The following C14orf132 variants were observed in gnomAD, a reference collection of about 807,000 sequenced individuals.
C14orf132 encodes the protein chromosome 14 open reading frame 132.
C14orf132 carries 6 observed loss-of-function variants against 5.8 expected under a neutral mutation model. That is an observed-to-expected ratio of 1.03 (90% CI 0.57 to 2.04). C14orf132 has a LOEUF of 2.04. Among genes scored for constraint, C14orf132 ranks in the 30% most tolerant of loss-of-function variants. The pLI is 0.00. For missense variants in C14orf132, 125 were observed against 115.8 expected, an observed-to-expected ratio of 1.08 and a Z score of -0.37; for synonymous variants, 51 against 49.8, an observed-to-expected ratio of 1.02 and a Z score of -0.10.
intron 1 of C14orf132, among the ~76,000 whole-genome samples, chr14:96,063,245 G>A (rs960115770): frequency 3.3e-5 from 5 of 152,118 alleles, no homozygotes; most frequent in Admixed American, 1.3e-4. Context: ...TGGAGGTTCC[G>A]TATAAGAACT....
intron 1 of C14orf132, among the ~76,000 whole-genome samples, chr14:96,053,275 A>G (rs1277145164): frequency 1.3e-5 from 2 of 152,250 alleles, no homozygotes; most frequent in African/African-American, 4.8e-5. Context: ...GATGAGCCAG[A>G]CACCGTTCTA....
Position 96,039,496 on chromosome 14 carries a change from A to AT in C14orf132, c.-5_-4insT. ...GAGGACTCGAGCGCTGGCTGCAGCG[A>AT]CACCATGGATCTCTCCTTTATGGCC... On this transcript the variant is annotated 5_prime_UTR_variant, in exon 1 of 2. Transcript: ENST00000555004. The surrounding 1 kb of genome is among the most constrained non-coding windows in gnomAD (Gnocchi z 5.3). 6.7e-7 allele frequency: 1 copy of AT among 1,497,376 alleles called. No homozygotes were observed. Among genetic ancestry groups the AT allele is most frequent in the Non-Finnish European group, 8.9e-7 (1 of 1,126,396 alleles). The allele number at this position is 1,497,376 out of a possible 1,614,324, so 92.8% of individuals were successfully genotyped here.
At chr14:96,049,647 TATATATAG>T (rs1886968709) in intron 1 of C14orf132, among the ~76,000 whole-genome samples, 17 of 78,770 alleles carry the variant, frequency 2.2e-4, no homozygotes, top group African/African-American at 5.5e-4. Context: ...TACGTATATA[TATATATAG>T]AGAGAGAGAG....
At chr14:96,061,715 A>G (rs1887363038) in intron 1 of C14orf132, among the ~76,000 whole-genome samples, 1 of 152,136 alleles carries the variant, frequency 6.6e-6, no homozygotes, top group Non-Finnish European at 1.5e-5. Context: ...GCTTGAGGCC[A>G]GGAGCTGGAG....
intron 1 of C14orf132, among the ~76,000 whole-genome samples, chr14:96,082,936 CCACCATATGTGGCAAAG>C (rs1888071434): frequency 6.6e-6 from 1 of 152,200 alleles, no homozygotes. Flanking sequence ...CACCCAAGCT[CCACCATATGTGGCAAAG>C]CAGGATTCAG....
intron 1 of C14orf132, among the ~76,000 whole-genome samples, chr14:96,050,718 GA>G (rs1249112452): frequency 1.3e-5 from 2 of 151,718 alleles, no homozygotes; most frequent in Non-Finnish European, 2.9e-5. Flanking sequence ...CCATGGCCTG[GA>G]AACTTTCCAT....
At chr14:96,083,675 T>C (rs1371973801) in intron 1 of C14orf132, among the ~76,000 whole-genome samples, 2 of 152,160 alleles carry the variant, frequency 1.3e-5, no homozygotes, top group African/African-American at 4.8e-5. Flanking sequence ...AGAAAACAGA[T>C]TGTCCCCTAG....
intron 1 of C14orf132, among the ~76,000 whole-genome samples, chr14:96,041,966 G>A (rs1370842184): frequency 2.6e-5 from 4 of 152,240 alleles, no homozygotes; most frequent in Non-Finnish European, 5.9e-5. Flanking sequence ...TGCCCAGCAC[G>A]TAGTAGGTCC....
chr14:96,048,792 C>G (rs1471547426), intron 1 of C14orf132, among the ~76,000 whole-genome samples: 1 of 152,146 alleles, frequency 6.6e-6, no homozygotes, highest in African/African-American at 2.4e-5. Context: ...TCCCAAAGTG[C>G]TGGGATTACA....
chr14:96,069,228 T>C (rs1371292681), intron 1 of C14orf132, among the ~76,000 whole-genome samples: 1 of 141,366 alleles, frequency 7.1e-6, no homozygotes, highest in Non-Finnish European at 1.5e-5. Flanking sequence ...TATGTTCACA[T>C]ATATATGTTA....
At chr14:96,071,593 G>T (rs146418575) in intron 1 of C14orf132, among the ~76,000 whole-genome samples, 1 of 152,188 alleles carries the variant, frequency 6.6e-6, no homozygotes, top group Non-Finnish European at 1.5e-5. Flanking sequence ...TGCCCCCTGG[G>T]GATCCCCAGT....
chr14:96,077,109 C>T (rs28392805), intron 1 of C14orf132, among the ~76,000 whole-genome samples: 42,037 of 152,108 alleles, frequency 0.28, 6,067 homozygotes, highest in Non-Finnish European at 0.33. Context: ...ATGAGAAGAA[C>T]GTGCATTCTG....
chr14:96,092,526 C>G lies in C14orf132; in HGVS notation c.*5791C>G, dbSNP rs1888444878. The G allele has an allele frequency of 1.3e-5, 2 of 152,240 alleles. No homozygotes were observed. The highest frequency in any genetic ancestry group is 2.4e-5 in the African/African-American group (1 of 41,458). The allele number at this position is 152,240 out of a possible 1,614,324, so 9.4% of individuals were successfully genotyped here. ...ACACCCCTGTGTCCCCTGTATCTGT[C>G]TCACTGGCTGTCTTTCTCCCAGTTT... On this transcript the variant is annotated 3_prime_UTR_variant, in exon 2 of 2. Transcript: ENST00000555004.
At chr14:96,064,363 T>TATACACAC (rs1555385083) in intron 1 of C14orf132, among the ~76,000 whole-genome samples, 1,559 of 135,852 alleles carry the variant, frequency 0.011, 30 homozygotes, top group African/African-American at 0.04. Context: ...GGTGCATATA[T>TATACACAC]ACACACACAC....
At chr14:96,082,666 C>T (rs1446298184) in intron 1 of C14orf132, among the ~76,000 whole-genome samples, 2 of 152,076 alleles carry the variant, frequency 1.3e-5, no homozygotes, top group South Asian at 2.1e-4. Flanking sequence ...ACCTGGTTAT[C>T]GATCACACAA....
Position 96,086,985 on chromosome 14 carries a change from T to G in C14orf132, c.*250T>G. 1 of 540,348 alleles carries G rather than the reference T, an allele frequency of 1.9e-6. No individual in the cohort carries two copies. Among genetic ancestry groups the G allele is most frequent in the Non-Finnish European group, 3.3e-6 (1 of 303,622 alleles). 33.5% of individuals were successfully genotyped at this position (540,348 alleles called of 1,614,324 possible). ...CGGGGCAAGGCCTTCAGAGGGCAGA[T>G]TGGGGATCCTTGAAACTACATTCCA... On this transcript the variant is annotated 3_prime_UTR_variant, in exon 2 of 2. Transcript: ENST00000555004.
chr14:96,053,981 C>G (rs1887107009), intron 1 of C14orf132, among the ~76,000 whole-genome samples: 1 of 152,202 alleles, frequency 6.6e-6, no homozygotes, highest in Non-Finnish European at 1.5e-5. Context: ...AGCTGTGCCT[C>G]TCTTTACAGC....
chr14:96,070,867 G>A (rs1022059500), intron 1 of C14orf132, among the ~76,000 whole-genome samples: 3 of 152,054 alleles, frequency 2.0e-5, no homozygotes, highest in African/African-American at 7.3e-5. Context: ...CATCCCTAGG[G>A]TAGTAGGGTC....
chr14:96,042,324 T>G (rs1424387337), intron 1 of C14orf132, among the ~76,000 whole-genome samples: 1 of 152,272 alleles, frequency 6.6e-6, no homozygotes, highest in East Asian at 1.9e-4. Flanking sequence ...GAAGTTTGCA[T>G]CTAATCAGTA....
Sources: gnomAD v4.1 joint callset for allele counts (sites outside exome capture counted in the v4.1 genomes callset) on GRCh38, gnomAD v4.1.1 for gene constraint, Gnocchi (gnomAD v3.1) non-coding constraint, MANE v1.5 for transcripts, NCBI Gene and HGNC (gene_info 2026-07-23, HGNC 2026-07-21) for gene names.